Variants in PKHD1 observed in about 807,000 individuals in gnomAD.
PKHD1 encodes the protein fibrocystin.
In PKHD1, 291 loss-of-function variants were observed where a neutral mutation model predicts 412.0. That is an observed-to-expected ratio of 0.71 (90% CI 0.64 to 0.78). The LOEUF (loss-of-function observed/expected upper bound fraction) is 0.78, where lower values mean the gene tolerates loss of function less well. Ranked by LOEUF, PKHD1 falls within the 30% of genes least tolerant of loss-of-function variation. The pLI is 0.00. For missense variants in PKHD1, 4,825 were observed against 4,950.7 expected (o/e 0.97, Z 0.76); for synonymous variants, 1,777 against 1,821.5 (o/e 0.98, Z 0.62).
At chr6:51,668,308 T>C (rs1774221683) in intron 60 of PKHD1, among the ~76,000 whole-genome samples, 1 of 152,100 alleles carries the variant, frequency 6.6e-6, no homozygotes, top group Non-Finnish European at 1.5e-5. Flanking sequence ...TTTGAAGCAA[T>C]TGTGAATGGG....
chr6:52,019,474 A>G (rs1363698219), intron 33 of PKHD1, among the ~76,000 whole-genome samples: 5 of 152,278 alleles, frequency 3.3e-5, no homozygotes, highest in Non-Finnish European at 7.3e-5. Flanking sequence ...GACAAAACAT[A>G]AGAACTTTCC....
chr6:51,989,176 A>T (rs1293714289), intron 35 of PKHD1, among the ~76,000 whole-genome samples: 1 of 152,180 alleles, frequency 6.6e-6, no homozygotes, highest in Non-Finnish European at 1.5e-5. Context: ...CAAAAACTTC[A>T]TGAGAGAAAG....
chr6:51,660,723 G>A (rs1772699023), intron 60 of PKHD1, among the ~76,000 whole-genome samples: 1 of 152,150 alleles, frequency 6.6e-6, no homozygotes. Flanking sequence ...CATAGGACAA[G>A]GCATGTGGGA....
intron 48 of PKHD1, among the ~76,000 whole-genome samples, chr6:51,862,115 G>A (rs985476251): frequency 2.0e-5 from 3 of 152,300 alleles, no homozygotes; most frequent in African/African-American, 7.2e-5. Context: ...GCTGTGATGG[G>A]GATGACTGAC....
chr6:51,800,924 T>A (rs1326571), intron 52 of PKHD1, among the ~76,000 whole-genome samples: 89,882 of 152,044 alleles, frequency 0.59, 27,244 homozygotes, highest in East Asian at 0.83. Context: ...GGCTTGTTAT[T>A]TTCCTGTACC....
At chr6:52,078,154 C>T (rs564807342) in intron 5 of PKHD1, among the ~76,000 whole-genome samples, 15 of 152,052 alleles carry the variant, frequency 9.9e-5, no homozygotes, top group Non-Finnish European at 2.2e-4. Flanking sequence ...CTCGTGAGAT[C>T]GTGGTGGGGC....
At chr6:51,896,390 C>T (rs1182749576) in intron 43 of PKHD1, among the ~76,000 whole-genome samples, 1 of 152,170 alleles carries the variant, frequency 6.6e-6, no homozygotes, top group Non-Finnish European at 1.5e-5. Flanking sequence ...GGAGGCACCC[C>T]CCAACAGGGG....
intron 55 of PKHD1, among the ~76,000 whole-genome samples, chr6:51,771,389 A>G (rs1218387198): frequency 6.6e-6 from 1 of 152,160 alleles, no homozygotes; most frequent in Non-Finnish European, 1.5e-5. Context: ...TGGGAGGCCA[A>G]GACGGGTGGA....
intron 53 of PKHD1, among the ~76,000 whole-genome samples, chr6:51,779,083 T>C (rs1231443636): frequency 6.6e-6 from 1 of 152,154 alleles, no homozygotes; most frequent in South Asian, 2.1e-4. Context: ...CAAGAACTAG[T>C]AGGGGACAAG....
rs147133200 is a variant in PKHD1, at chr6:51,972,302, C to T, written c.5752-12276G>A. ...CTTTTTCCTAGTTCTTTAAGCTTCA[C>T]GTTTGAGGTACTTTTTAGAGAGAAA... On this transcript the variant is annotated intron_variant, in intron 35 of 66. Transcript: ENST00000371117. Among the ~76,000 whole-genome samples, 549 of 152,298 alleles carry T rather than the reference C, an allele frequency of 3.6e-3. 1 individual carries two copies. The highest frequency in any genetic ancestry group is 0.013 in the African/African-American group (524 of 41,552).
intron 35 of PKHD1, among the ~76,000 whole-genome samples, chr6:51,994,580 T>A (rs527657514): frequency 3.3e-5 from 5 of 152,112 alleles, no homozygotes; most frequent in Admixed American, 1.3e-4. Flanking sequence ...GTTGTTGTTG[T>A]TTGTTTTTTT....
chr6:51,925,111 C>T (rs1364409555), intron 37 of PKHD1, among the ~76,000 whole-genome samples: 1 of 152,160 alleles, frequency 6.6e-6, no homozygotes, highest in African/African-American at 2.4e-5. Context: ...CATACTTACT[C>T]AGAGGAAGAT....
chr6:51,626,256 T>C (rs553843279), intron 66 of PKHD1, among the ~76,000 whole-genome samples: 1 of 152,278 alleles, frequency 6.6e-6, no homozygotes, highest in South Asian at 2.1e-4. Context: ...GCAGAAAATA[T>C]GATAATTGAC....
intron 52 of PKHD1, among the ~76,000 whole-genome samples, chr6:51,797,589 A>G (rs1794806711): frequency 6.6e-6 from 1 of 152,116 alleles, no homozygotes; most frequent in African/African-American, 2.4e-5. Context: ...TTGTTGGTTT[A>G]AAGTCCATTT....
At chr6:52,024,470 C>A in intron 32 of PKHD1, 104 bp downstream of exon 32, 1 of 1,107,246 alleles carries the variant, frequency 9.0e-7, no homozygotes, top group Non-Finnish European at 1.4e-6. Context: ...GCTTCTCTTT[C>A]CTTCCATCAG....
At chr6:51,793,281 T>C (rs1794050371) in intron 52 of PKHD1, among the ~76,000 whole-genome samples, 2 of 152,238 alleles carry the variant, frequency 1.3e-5, no homozygotes, top group African/African-American at 4.8e-5. Flanking sequence ...TTCATGACTT[T>C]AAGAATTATT....
At chr6:52,017,750 A>T in intron 33 of PKHD1, 121 bp from the exon 34 acceptor site, 1 of 754,698 alleles carries the variant, frequency 1.3e-6, no homozygotes, top group Non-Finnish European at 2.4e-6. Flanking sequence ...TTAGCAGTTT[A>T]CTTTTTTTAA....
chr6:51,828,568 T>C (rs551669373), intron 52 of PKHD1, among the ~76,000 whole-genome samples: 10 of 152,240 alleles, frequency 6.6e-5, no homozygotes, highest in South Asian at 2.1e-4. Flanking sequence ...GTGTCAATGC[T>C]GTCAAACACA....
chr6:51,982,125 C>T (rs1267259444), intron 35 of PKHD1, among the ~76,000 whole-genome samples: 2 of 58,444 alleles, frequency 3.4e-5, no homozygotes, highest in South Asian at 6.2e-4. Flanking sequence ...GTCCGGCAGC[C>T]ACCCCGTCTG....
Sources: allele counts gnomAD v4.1 joint callset (sites outside exome capture counted in the v4.1 genomes callset), GRCh38; gene constraint gnomAD v4.1.1; transcripts MANE v1.5; gene names NCBI Gene and HGNC (gene_info 2026-07-23, HGNC 2026-07-21).